Variants in DLG3 observed in about 807,000 individuals in gnomAD.
The protein encoded by DLG3 is discs large MAGUK scaffold protein 3.
A neutral mutation model predicts 64.1 loss-of-function variants in DLG3; 1 was observed. The observed-to-expected ratio is 0.02, with a 90% CI of 0.01 to 0.07. The LOEUF (loss-of-function observed/expected upper bound fraction) is 0.07, where lower values mean the gene tolerates loss of function less well. DLG3 is among the 10% of genes least tolerant of loss of function. The probability of loss-of-function intolerance (pLI) is 1.00; values close to 1 mark genes in which losing one functional copy is unlikely to be tolerated. For synonymous variants in DLG3, 245 were observed against 259.8 expected (o/e 0.94, Z 0.55); for missense variants, 429 against 669.5 (o/e 0.64, Z 3.96).
intron 1 of DLG3, among the ~76,000 whole-genome samples, chrX:70,446,003 A>G (rs73634829): frequency 0.067 from 7,278 of 108,776 alleles, 607 homozygotes; most frequent in African/African-American, 0.23. Context: ...GAGGAAGGCA[A>G]TGGAGCTGCC....
intron 16 of DLG3, 55 bp from the exon 17 acceptor site, chrX:70,500,416 C>A: frequency 1.0e-6 from 1 of 1,002,519 alleles, no homozygotes; most frequent in Non-Finnish European, 1.4e-6. Flanking sequence ...TGGATTTCTG[C>A]TTGGGACTTG....
At chrX:70,486,836 G>A (rs188511438) in intron 10 of DLG3, among the ~76,000 whole-genome samples, 41 of 110,128 alleles carry the variant, frequency 3.7e-4, no homozygotes, top group African/African-American at 1.2e-3. Context: ...AGGAGGAAGA[G>A]GAGAATATAT....
At chrX:70,452,462 G>C (rs1046587498) in intron 7 of DLG3, 60 of 974,112 alleles carry the variant, frequency 6.2e-5, no homozygotes, top group Non-Finnish European at 7.3e-5. Context: ...GCCCCGCCCC[G>C]CTGGCGGCAG....
intron 9 of DLG3, among the ~76,000 whole-genome samples, chrX:70,466,323 T>C (rs2086887028): frequency 9.6e-6 from 1 of 104,552 alleles, no homozygotes; most frequent in South Asian, 4.8e-4. Flanking sequence ...CTTTCCCCAT[T>C]TCCCTATTGG....
rs1293654957 is a variant in DLG3, at chrX:70,445,471, C to T, written c.270C>T (p.Val90=). The change falls in exon 1 of 19, where the codon GTC becomes GTT. Residue 90 remains valine, a synonymous_variant. Coordinates refer to ENST00000374360, the MANE Select transcript of DLG3 (RefSeq NM_021120.4). ...TGGGGCCGGTGCCTCCTAAGCCAGT[C>T]CCGGGCAAGAGCACCCCCAAACTCA... is the stretch of plus-strand genomic sequence containing the variant. The part of the protein sequence containing the change: ...RDVGPVPPKP[V]PGKSTPKLNG... The T allele has an allele frequency of 3.3e-6, 4 of 1,201,507 alleles. 1 individual carries two copies. The Admixed American group carries it at 8.8e-5, about 27-fold the overall frequency.
intron 7 of DLG3, chrX:70,452,636 C>T (rs766017171): frequency 8.4e-7 from 1 of 1,190,897 alleles, no homozygotes; most frequent in East Asian, 3.0e-5. Context: ...AGAGGGCCCG[C>T]AAGTTCTCGG....
chrX:70,501,413 C>CTGTCTGTCTGTGTGTGTGTG (rs1421730747), intron 18 of DLG3, among the ~76,000 whole-genome samples: 1 of 93,884 alleles, frequency 1.1e-5, no homozygotes, highest in Non-Finnish European at 2.1e-5. Flanking sequence ...GTCTGTCTGT[C>CTGTCTGTCTGTGTGTGTGTG]TGTGTGTGTG....
chrX:70,447,689 G>A (rs962285193), intron 1 of DLG3, among the ~76,000 whole-genome samples: 1 of 112,377 alleles, frequency 8.9e-6, no homozygotes, highest in African/African-American at 3.2e-5. Context: ...AGAAAGGTGG[G>A]GGAGGGGTGC....
intron 10 of DLG3, among the ~76,000 whole-genome samples, chrX:70,489,196 T>C (rs1420635168): frequency 8.9e-6 from 1 of 112,657 alleles, no homozygotes; most frequent in Non-Finnish European, 1.9e-5. Flanking sequence ...CAATTCCCAA[T>C]GTGCAGAGTT....
At chrX:70,449,965 C>T in intron 4 of DLG3, 106 bp downstream of exon 4, 2 of 1,036,060 alleles carry the variant, frequency 1.9e-6, no homozygotes, top group East Asian at 3.3e-5. Flanking sequence ...TGCCTGACTC[C>T]CCCTGTTCCA....
chrX:70,485,745 A>G (rs1255460647), intron 10 of DLG3, among the ~76,000 whole-genome samples: 1 of 111,196 alleles, frequency 9.0e-6, no homozygotes, highest in African/African-American at 3.3e-5. Context: ...TTCCAACCCA[A>G]ATCTCACAAT....
intron 10 of DLG3, among the ~76,000 whole-genome samples, chrX:70,480,871 G>A (rs902930664): frequency 3.6e-5 from 4 of 111,940 alleles, no homozygotes; most frequent in Non-Finnish European, 7.5e-5. Flanking sequence ...AGGGGGAGTG[G>A]GACATTGGCT....
chrX:70,445,820 G>A (rs1160626881), intron 1 of DLG3, among the ~76,000 whole-genome samples: 1 of 101,474 alleles, frequency 9.9e-6, no homozygotes, highest in Admixed American at 1.0e-4. Flanking sequence ...TCCTGTGTGG[G>A]GGAATTGGGT....
In DLG3 at chrX:70,445,541, C is replaced by A. The variant is rs866252799; in HGVS notation, c.340C>A (p.Arg114=). ...GTGGCCAGAGTGCACCTGTACCAAC[C>A]GGGACTGGTATGAGCAGGTATGGAC... ...SWWPECTCTN[R]DWYEQVNGSD... is the part of the protein sequence containing the mutation. Residue 114 remains arginine (R), a synonymous_variant, in exon 1 of 19, where the codon CGG becomes AGG. Coordinates refer to ENST00000374360, the MANE Select transcript of DLG3 (RefSeq NM_021120.4). 3.4e-6 allele frequency: 4 copies of A among 1,182,330 alleles called. No individual in the cohort carries two copies. The highest frequency in any genetic ancestry group is 2.4e-5 in the Admixed American group (1 of 41,217).
At chrX:70,487,041 TA>T (rs2087267276) in intron 10 of DLG3, among the ~76,000 whole-genome samples, 1 of 112,185 alleles carries the variant, frequency 8.9e-6, no homozygotes, top group East Asian at 2.8e-4. Flanking sequence ...TTAAAAAAAT[TA>T]TTAAGGTCTA....
chrX:70,497,779 A>G (rs947331393), intron 13 of DLG3, among the ~76,000 whole-genome samples: 1 of 112,165 alleles, frequency 8.9e-6, no homozygotes, highest in African/African-American at 3.2e-5. Flanking sequence ...AAATCTGCCC[A>G]GGAATATTAG....
intron 3 of DLG3, 79 bp from the exon 4 acceptor site, chrX:70,449,611 G>A: frequency 8.6e-7 from 1 of 1,159,739 alleles, no homozygotes; most frequent in Non-Finnish European, 1.2e-6. Flanking sequence ...AGGAGGGGAG[G>A]ACAGAGAAGT....
intron 10 of DLG3, among the ~76,000 whole-genome samples, chrX:70,491,764 G>T (rs1055304759): frequency 1.8e-5 from 2 of 112,372 alleles, no homozygotes; most frequent in Non-Finnish European, 3.8e-5. Flanking sequence ...CTGAGAAAGC[G>T]CCCTGCTAGA....
intron 10 of DLG3, 99 bp from the exon 11 acceptor site, chrX:70,492,008 A>T: frequency 1.2e-6 from 1 of 857,743 alleles, no homozygotes; most frequent in Non-Finnish European, 1.7e-6. Flanking sequence ...TGAGGCTGCT[A>T]TGTCTGTGCT....
Sources: gnomAD v4.1 joint callset for allele counts (sites outside exome capture counted in the v4.1 genomes callset) on GRCh38, gnomAD v4.1.1 for gene constraint, MANE v1.5 for transcripts, NCBI Gene and HGNC (gene_info 2026-07-23, HGNC 2026-07-21) for gene names.